ATP8A2: variants seen among roughly 807,000 people sequenced by gnomAD.
ATP8A2 encodes ATPase phospholipid transporting 8A2, also known as phospholipid-transporting ATPase IB.
A neutral mutation model predicts 165.6 loss-of-function variants in ATP8A2; 100 were observed. The ratio of observed to expected loss-of-function variants is 0.60; its 90% confidence interval spans 0.51 to 0.71. ATP8A2 has a LOEUF of 0.71. Among genes scored for constraint, ATP8A2 ranks in the 30% least tolerant of loss-of-function variants. The pLI is 0.00. For synonymous variants in ATP8A2, 543 were observed against 548.8 expected, an observed-to-expected ratio of 0.99 and a Z score of 0.15; for missense variants, 1,227 against 1,479.5, an observed-to-expected ratio of 0.83 and a Z score of 2.80.
At chr13:25,835,220 T>C (rs1033336520) in intron 28 of ATP8A2, among the ~76,000 whole-genome samples, 3 of 152,114 alleles carry the variant, frequency 2.0e-5, no homozygotes, top group African/African-American at 7.2e-5. Context: ...TGTGCATGGC[T>C]CCTGGCTTCT....
At chr13:25,439,526 A>C (rs561412749) in intron 1 of ATP8A2, among the ~76,000 whole-genome samples, 1 of 152,130 alleles carries the variant, frequency 6.6e-6, no homozygotes, top group South Asian at 2.1e-4. Flanking sequence ...GCTTTCTACC[A>C]CTTGTTTTGT....
At chr13:25,591,513 T>G (rs555065125) in intron 24 of ATP8A2, 1 of 379,430 alleles carries the variant, frequency 2.6e-6, no homozygotes, top group South Asian at 2.0e-5. Flanking sequence ...CTGATTAATA[T>G]TCCATTGCAT....
chr13:25,521,216 T>C (rs2037662030), intron 2 of ATP8A2, among the ~76,000 whole-genome samples: 1 of 152,230 alleles, frequency 6.6e-6, no homozygotes, highest in African/African-American at 2.4e-5. Context: ...TTTTATCTAT[T>C]TATTTATTTT....
At chr13:25,787,299 G>A (rs1192453274) in intron 27 of ATP8A2, among the ~76,000 whole-genome samples, 1 of 152,200 alleles carries the variant, frequency 6.6e-6, no homozygotes, top group Admixed American at 6.5e-5. Flanking sequence ...AATGCTGTAT[G>A]AATGGAATTG....
intron 33 of ATP8A2, among the ~76,000 whole-genome samples, chr13:25,902,548 C>T (rs1593531724): frequency 6.7e-6 from 1 of 149,426 alleles, no homozygotes; most frequent in Non-Finnish European, 1.5e-5. Flanking sequence ...TTTCTGTTCA[C>T]ATTATAGCAA....
At chr13:25,426,754 C>A (rs1038957534) in intron 1 of ATP8A2, among the ~76,000 whole-genome samples, 4 of 151,826 alleles carry the variant, frequency 2.6e-5, no homozygotes, top group African/African-American at 9.7e-5. Context: ...ACCAGCCTGG[C>A]CAATATGGTG....
intron 25 of ATP8A2, among the ~76,000 whole-genome samples, chr13:25,730,539 G>C (rs2043597924): frequency 6.6e-6 from 1 of 152,166 alleles, no homozygotes; most frequent in Non-Finnish European, 1.5e-5. Flanking sequence ...ATAGCTTCAA[G>C]TGGCATGATA....
chr13:25,579,827 G>C lies in ATP8A2; in HGVS notation c.1887G>C (p.Val629=). ...FATEGLRTLC[V]AYADLSENEY... is the part of the protein sequence containing the mutation. ...TTGCAGGCTTGCGGACTCTCTGTGTGGCTTATGCTGATCTCTCTGAGAATG... is the reference window on the plus strand; with the variant it reads ...TTGCAGGCTTGCGGACTCTCTGTGTCGCTTATGCTGATCTCTCTGAGAATG... Residue 629 remains valine (V), a synonymous_variant, in exon 22 of 37, where the codon GTG becomes GTC. Transcript: ENST00000381655. The C allele has an allele frequency of 6.2e-7, 1 of 1,613,698 alleles. No homozygotes were observed. The highest frequency in any genetic ancestry group is 1.7e-4 in the Middle Eastern group (1 of 6,048).
intron 25 of ATP8A2, among the ~76,000 whole-genome samples, chr13:25,734,694 A>G (rs960081700): frequency 6.6e-6 from 1 of 152,160 alleles, no homozygotes; most frequent in African/African-American, 2.4e-5. Context: ...GCTGGAGTGC[A>G]GTGGTGCAAT....
At chr13:25,812,367 T>C (rs112526020) in intron 27 of ATP8A2, among the ~76,000 whole-genome samples, 2,011 of 149,000 alleles carry the variant, frequency 0.013, 26 homozygotes, top group Middle Eastern at 0.038. Context: ...ACTTCACTTC[T>C]CTTTGATGCT....
intron 24 of ATP8A2, among the ~76,000 whole-genome samples, chr13:25,688,395 G>C (rs943543781): frequency 6.4e-5 from 8 of 124,838 alleles, no homozygotes; most frequent in Non-Finnish European, 7.3e-5. Context: ...TTTCGGCCAG[G>C]TGTGTGTGTC....
At chr13:25,517,482 G>C (rs1168373695) in intron 2 of ATP8A2, among the ~76,000 whole-genome samples, 1 of 152,184 alleles carries the variant, frequency 6.6e-6, no homozygotes, top group East Asian at 1.9e-4. Context: ...AATGCATTGA[G>C]TAATAGAACA....
At chr13:25,374,826 C>T (rs577697449) in intron 1 of ATP8A2, among the ~76,000 whole-genome samples, 1 of 152,128 alleles carries the variant, frequency 6.6e-6, no homozygotes, top group Non-Finnish European at 1.5e-5. Context: ...ATCGTGTACT[C>T]CCATAAAAAT....
chr13:25,977,609 G>C (rs1206407331), intron 35 of ATP8A2, among the ~76,000 whole-genome samples: 3 of 152,176 alleles, frequency 2.0e-5, no homozygotes, highest in Non-Finnish European at 4.4e-5. Flanking sequence ...TGTTATTTTA[G>C]GAATGTTGAA....
chr13:25,687,515 T>C (rs1325369716), intron 24 of ATP8A2, among the ~76,000 whole-genome samples: 1 of 152,052 alleles, frequency 6.6e-6, no homozygotes, highest in African/African-American at 2.4e-5. Flanking sequence ...CAGCAGGCCT[T>C]CCCACTGCCA....
At chr13:25,876,535 A>G (rs1459864231) in intron 33 of ATP8A2, among the ~76,000 whole-genome samples, 1 of 152,188 alleles carries the variant, frequency 6.6e-6, no homozygotes, top group Non-Finnish European at 1.5e-5. Flanking sequence ...ATTTCACCGC[A>G]GGAAATTACA....
At chr13:25,562,712 G>A (rs947394441) in intron 15 of ATP8A2, among the ~76,000 whole-genome samples, 7 of 73,826 alleles carry the variant, frequency 9.5e-5, no homozygotes, top group African/African-American at 4.2e-4. Flanking sequence ...CCCTGTTTTG[G>A]GAGGATGCCT....
At chr13:25,894,519 C>A (rs1029788975) in intron 33 of ATP8A2, among the ~76,000 whole-genome samples, 3 of 152,100 alleles carry the variant, frequency 2.0e-5, no homozygotes, top group African/African-American at 7.2e-5. Context: ...GCAATATGGG[C>A]TCTTTTTTGG....
chr13:25,884,317 G>T (rs1449831595), intron 33 of ATP8A2, among the ~76,000 whole-genome samples: 1 of 152,170 alleles, frequency 6.6e-6, no homozygotes, highest in Non-Finnish European at 1.5e-5. Context: ...TGGCTGCACA[G>T]TGTTGGAGGA....
Sources: gnomAD v4.1 joint callset for allele counts (sites outside exome capture counted in the v4.1 genomes callset) on GRCh38, gnomAD v4.1.1 for gene constraint, MANE v1.5 for transcripts, NCBI Gene and HGNC (gene_info 2026-07-23, HGNC 2026-07-21) for gene names.